MDN1: variants seen among roughly 807,000 people sequenced by gnomAD.
The protein encoded by MDN1 is midasin.
Under a neutral mutation model 669.2 loss-of-function variants are expected in MDN1, and 266 were observed. The ratio of observed to expected loss-of-function variants is 0.40; its 90% CI spans 0.36 to 0.44. The LOEUF (loss-of-function observed/expected upper bound fraction) is 0.44. MDN1 is among the 20% of genes least tolerant of loss of function. The pLI, the probability that MDN1 is intolerant of heterozygous loss-of-function variation, is 1.00. For missense variants in MDN1, 5,940 were observed against 6,754.0 expected, an observed-to-expected ratio of 0.88 and a Z score of 4.22; for synonymous variants, 2,385 against 2,457.1, an observed-to-expected ratio of 0.97 and a Z score of 0.87.
At position 89,655,820 on chromosome 6, in the gene MDN1, G is replaced by C. The variant is rs540770587; in HGVS notation, c.15434C>G (p.Ala5145Gly). The C allele has an allele frequency of 5.6e-6, 9 of 1,613,872 alleles. No individual in the cohort carries two copies. In the Admixed American group the frequency reaches 8.3e-5, roughly 15 times the overall value. The change falls in exon 92 of 102, where the codon GCA becomes GGA. Residue 5145 changes from alanine (A) to glycine (G), a missense_variant. Ala to Gly is a moderately conservative substitution (Grantham distance 60). Coordinates refer to ENST00000369393, the MANE Select transcript of MDN1 (RefSeq NM_014611.3). ...TTGTTTAATGTGCTCGAATGCATCT[G>C]CATCCTCCACCTGGGCCTGGGGCTG... ...AQQPQAQVED[A>G]DAFEHIKQGS... is the part of the protein sequence containing the mutation.
In MDN1 at chr6:89,674,550, C is replaced by G. The variant is rs759308875; in HGVS notation, c.12801G>C (p.Leu4267=). 1.9e-6 allele frequency: 3 copies of G among 1,593,220 alleles called. No homozygotes were observed. The highest frequency in any genetic ancestry group is 1.9e-4 in the Middle Eastern group (1 of 5,264). ...CCACGGGGTAGGCCTGGGGCCCCAT[C>G]AGCCTGCTGTGAATCTCTTGCACAC... is the stretch of plus-strand genomic sequence containing the variant. ...LSCVQEIHSR[L]MGPQAYPVAF... is the part of the protein sequence containing the mutation. Residue 4267 remains leucine (L), a synonymous_variant, in exon 79 of 102, where the codon CTG becomes CTC. Transcript: ENST00000369393.
chr6:89,696,401 C>A lies in MDN1; in HGVS notation c.9342G>T (p.Met3114Ile). Residue 3114 changes from methionine to isoleucine, a missense_variant, in exon 60 of 102, where the codon ATG becomes ATT. By Grantham distance (10) the Met-to-Ile change is conservative. Transcript: ENST00000369393. ...AAGAGATAGCCATGTTAGTCCAAAG[C>A]ATCGAACTGATGTCCTGGAGCTGCT... The part of the protein sequence containing the change: ...RTQQLQDISS[M>I]LWTNMAISSV... 6.2e-7 allele frequency: 1 copy of A among 1,614,192 alleles called. No individual in the cohort carries two copies. Among genetic ancestry groups the A allele is most frequent in the Non-Finnish European group, 8.5e-7 (1 of 1,180,032 alleles).
chr6:89,749,704 C>A lies in MDN1; in HGVS notation c.3454G>T (p.Glu1152Ter). 6.2e-7 allele frequency: 1 copy of A among 1,613,860 alleles called. No individual in the cohort carries two copies. Among genetic ancestry groups the A allele is most frequent in the Non-Finnish European group, 8.5e-7 (1 of 1,179,766 alleles). ...MRKGYWIILD[E>*]LNLAPTDVLE... The stretch of plus-strand genomic sequence containing the variant: ...ACATCAGTAGGGGCCAAATTTAATT[C>A]ATCTAAAATAATCCAATAGCCTTTT... Residue 1152 changes from glutamate to a stop codon, truncating the protein, a stop_gained, in exon 25 of 102, where the codon GAA (glutamate) becomes TAA (stop). Coordinates refer to ENST00000369393, the MANE Select transcript of MDN1 (RefSeq NM_014611.3). LOFTEE classifies it high-confidence loss of function.
At chr6:89,791,526 T>C (rs1240707869) in intron 5 of MDN1, among the ~76,000 whole-genome samples, 1 of 152,196 alleles carries the variant, frequency 6.6e-6, no homozygotes, top group Non-Finnish European at 1.5e-5. Context: ...TTGATAATTA[T>C]TGAATACCCA....
At chr6:89,751,175 T>G (rs887479298) in intron 23 of MDN1, among the ~76,000 whole-genome samples, 1 of 152,144 alleles carries the variant, frequency 6.6e-6, no homozygotes, top group African/African-American at 2.4e-5. Context: ...TCTGTGGTAT[T>G]TATCAGCAAA....
rs544062816 is a variant in MDN1 at position 89,663,048 on chromosome 6, C to T, written c.14237-81G>A. 20 of 1,507,250 alleles carry T rather than the reference C, an allele frequency of 1.3e-5. No individual in the cohort carries two copies. The Middle Eastern group carries it at 5.3e-4, about 40-fold the overall frequency. The allele number at this position is 1,507,250 out of a possible 1,614,324, so 93.4% of individuals were successfully genotyped here. On this transcript the variant is annotated intron_variant, in intron 85 of 101. Coordinates refer to ENST00000369393, the MANE Select transcript of MDN1 (RefSeq NM_014611.3). ...ATTTAAGAGAGGTGTGGACCCGCTT[C>T]CCTAGCAAGGGCCCCACCTGAGATT...
At chr6:89,657,688 C>G (rs745925256) in intron 90 of MDN1, among the ~76,000 whole-genome samples, 1 of 152,180 alleles carries the variant, frequency 6.6e-6, no homozygotes, top group Non-Finnish European at 1.5e-5. Flanking sequence ...CACTTAAATA[C>G]AGCCGATATT....
Position 89,756,433 on chromosome 6 carries a change from T to C in MDN1, c.2703-43A>G, listed in dbSNP as rs201475902. The C allele has an allele frequency of 1.4e-5, 13 of 942,252 alleles. No homozygotes were observed. The Admixed American group carries it at 1.4e-4, about 10-fold the overall frequency. 58.4% of individuals were successfully genotyped at this position (942,252 alleles called of 1,614,324 possible). On this transcript the variant is annotated intron_variant, in intron 19 of 101. Transcript: ENST00000369393. ...ATAAACACTTTTTAGGAAGTTAATA[T>C]AACTATGTTGACAATAGAAAAACAT...
At position 89,645,117 on chromosome 6, in the gene MDN1, GCCTCGCCCATCAGAGACTA is replaced by G. The variant is rs1339587858; in HGVS notation, c.16481_16499del (p.Val5494AlafsTer73). On this transcript the variant is annotated frameshift_variant, in exon 101 of 102. Coordinates refer to ENST00000369393, the MANE Select transcript of MDN1 (RefSeq NM_014611.3). LOFTEE classifies it high-confidence loss of function. The stretch of plus-strand genomic sequence containing the variant: ...CTCTTTCTTTGCCCTCAAGGAAAAG[GCCTCGCCCATCAGAGACTA>G]CCAGGAGGAGTTGTGCAGTTTCTGT... The G allele has an allele frequency of 6.2e-7, 1 of 1,611,662 alleles. No homozygotes were observed. The highest frequency in any genetic ancestry group is 1.1e-5 in the South Asian group (1 of 90,960).
chr6:89,729,218 A>C lies in MDN1; in HGVS notation c.5141-79T>G, dbSNP rs554281523. Reference sequence around the variant, plus strand: ...GTATGCATCAACTCAAGATTTTAAAAATCTACCACATGGGTTATCAGTTAG... The same window carrying C: ...GTATGCATCAACTCAAGATTTTAAACATCTACCACATGGGTTATCAGTTAG... On this transcript the variant is annotated intron_variant, in intron 35 of 101. Coordinates refer to ENST00000369393, the MANE Select transcript of MDN1 (RefSeq NM_014611.3). The C allele has an allele frequency of 1.1e-5, 12 of 1,115,778 alleles. No individual in the cohort carries two copies. In the South Asian group the frequency reaches 1.4e-4, roughly 13 times the overall value. The allele number at this position is 1,115,778 out of a possible 1,614,324, so 69.1% of individuals were successfully genotyped here. A position where few individuals can be genotyped will look rare whatever the true frequency, so the allele number is the denominator to read the frequency against.
rs925486430 is a variant in MDN1 at position 89,694,359 on chromosome 6, G to A, written c.9772-176C>T. Among the ~76,000 whole-genome samples the A allele has an allele frequency of 2.0e-5, 3 of 152,284 alleles. No homozygotes were observed. In the South Asian group the frequency reaches 6.2e-4, roughly 32 times the overall value. ...ACCACTCACATCAGAGCTGTGAGGG[G>A]AAAGAAACGATCTTATTTACACCAC... On this transcript the variant is annotated intron_variant, in intron 61 of 101. Transcript: ENST00000369393.
At chr6:89,707,220 G>GT in intron 52 of MDN1, 141 bp downstream of exon 52, 1 of 635,014 alleles carries the variant, frequency 1.6e-6, no homozygotes. Flanking sequence ...TTACTATTGA[G>GT]TAAGGGGACA....
rs148011025 is a variant in MDN1, at chr6:89,803,360, G to A, written c.297C>T (p.Ser99=). The A allele has an allele frequency of 3.1e-6, 5 of 1,613,986 alleles. No homozygotes were observed. Among genetic ancestry groups the A allele is most frequent in the Admixed American group, 1.7e-5 (1 of 59,984 alleles). Residue 99 remains serine (S), a synonymous_variant, in exon 2 of 102, where the codon AGC becomes AGT. Transcript: ENST00000369393. ...CATCAGGATGGTTACCAATGAGTTT[G>A]CTCATCGACACACATAGCCGTTCAT... ...DLHERLCVSM[S]KLIGNHPDVL...
In MDN1 at chr6:89,793,824, G is replaced by A; in HGVS notation, c.793C>T (p.Pro265Ser). Residue 265 changes from proline (P) to serine (S), a missense_variant, in exon 5 of 102, where the codon CCT becomes TCT. Coordinates refer to ENST00000369393, the MANE Select transcript of MDN1 (RefSeq NM_014611.3). ...QGHLVSSDLS[P>S]RVTAVCGVVL... Reference sequence around the variant, plus strand: ...ACACCACAAACAGCTGTCACCCTAGGGGAGAGGTCAGACGAAACAAGATGT... The same window carrying A: ...ACACCACAAACAGCTGTCACCCTAGAGGAGAGGTCAGACGAAACAAGATGT... 1 of 1,614,124 alleles carries A rather than the reference G, an allele frequency of 6.2e-7. No individual in the cohort carries two copies. Among genetic ancestry groups the A allele is most frequent in the Non-Finnish European group, 8.5e-7 (1 of 1,180,028 alleles).
At chr6:89,817,711 G>C (rs1288639405) in intron 1 of MDN1, among the ~76,000 whole-genome samples, 1 of 152,160 alleles carries the variant, frequency 6.6e-6, no homozygotes, top group African/African-American at 2.4e-5. Context: ...AATAGTAGAG[G>C]GTAACAACCT....
intron 2 of MDN1, among the ~76,000 whole-genome samples, chr6:89,796,340 A>AAAC (rs555864274): frequency 0.04 from 4,635 of 116,674 alleles, 223 homozygotes; most frequent in South Asian, 0.14. Context: ...AAAAAAAAAA[A>AAAC]AAAAAAAAAA....
chr6:89,793,229 T>A (rs1584379753), intron 5 of MDN1, among the ~76,000 whole-genome samples: 1 of 152,346 alleles, frequency 6.6e-6, no homozygotes, highest in Non-Finnish European at 1.5e-5. Flanking sequence ...GACCTAGGCC[T>A]GTCTTTGCCA....
At chr6:89,747,616 G>A in intron 26 of MDN1, 146 bp from the exon 27 acceptor site, 1 of 961,914 alleles carries the variant, frequency 1.0e-6, no homozygotes, top group Non-Finnish European at 1.5e-6. Flanking sequence ...TTTTGGCCGG[G>A]CGTGGTGGCT....
chr6:89,684,844 C>A lies in MDN1; in HGVS notation c.11829+32G>T, dbSNP rs371405894. 194 of 1,406,962 alleles carry A rather than the reference C, an allele frequency of 1.4e-4. 1 individual carries two copies. The highest frequency in any genetic ancestry group is 3.7e-5 in the Non-Finnish European group (37 of 994,836). 87.2% of individuals were successfully genotyped at this position (1,406,962 alleles called of 1,614,324 possible). A position where few individuals can be genotyped will look rare whatever the true frequency, so the allele number is the denominator to read the frequency against. Reference sequence around the variant, plus strand: ...AAGAGAATTTGCTGATTTTGTCCTCCCAAGAGTGATCATGACAGCTGTTCA... The same window carrying A: ...AAGAGAATTTGCTGATTTTGTCCTCACAAGAGTGATCATGACAGCTGTTCA... On this transcript the variant is annotated intron_variant, in intron 71 of 101. Coordinates refer to ENST00000369393, the MANE Select transcript of MDN1 (RefSeq NM_014611.3).
Sources: allele counts gnomAD v4.1 joint callset (sites outside exome capture counted in the v4.1 genomes callset), GRCh38; gene constraint gnomAD v4.1.1; transcripts MANE v1.5; gene names NCBI Gene and HGNC (gene_info 2026-07-23, HGNC 2026-07-21).